Variants in LYRM9 observed in about 807,000 individuals in gnomAD.
LYRM9 encodes the protein LYR motif-containing protein 9.
Under a neutral mutation model 12.6 loss-of-function variants are expected in LYRM9, and 14 were observed. That is an observed-to-expected ratio of 1.11 (90% CI 0.73 to 1.73). The LOEUF is 1.73. Ranked by LOEUF, LYRM9 falls within the 40% of genes most tolerant of loss-of-function variation. LYRM9 has a pLI of 0.00. For missense variants in LYRM9, 94 were observed against 95.0 expected (o/e 0.99, Z 0.04); for synonymous variants, 42 against 35.1 (o/e 1.20, Z -0.69).
At chr17:27,880,112 T>C in intron 3 of LYRM9, 162 bp downstream of exon 3, 1 of 712,540 alleles carries the variant, frequency 1.4e-6, no homozygotes, top group East Asian at 2.7e-5. Context: ...AGAAGGGATT[T>C]GTCTTCACCT....
At position 27,882,643 on chromosome 17, in the gene LYRM9, G is replaced by A. The variant is rs371988906; in HGVS notation, c.52C>T (p.Arg18Ter). The A allele has an allele frequency of 1.6e-5, 26 of 1,602,416 alleles. No homozygotes were observed. In the Admixed American group the frequency reaches 1.7e-4, roughly 11 times the overall value. ...ELVRRPLQLYRYLLRCCQQLP... is the reference protein window; with the variant it reads ...ELVRRPLQLY ...TGCTGGCAACAGCGCAGCAAGTATC[G>A]GTAGAGCTGCAGTGGCCTCCGAACC... Residue 18 changes from arginine to a stop codon, truncating the protein, a stop_gained, in exon 2 of 4, where the codon CGA (arginine) becomes TGA (stop). Coordinates refer to ENST00000379102, the MANE Select transcript of LYRM9 (RefSeq NM_001076680.3). LOFTEE classifies it high-confidence loss of function.
At position 27,878,517 on chromosome 17, in the gene LYRM9, C is replaced by A. The variant is rs1033737351; in HGVS notation, c.*956G>T. 21 of 152,256 alleles carry A rather than the reference C, an allele frequency of 1.4e-4. No individual in the cohort carries two copies. The highest frequency in any genetic ancestry group is 1.2e-4 in the Non-Finnish European group (8 of 68,074). The allele number at this position is 152,256 out of a possible 1,614,324, so 9.4% of individuals were successfully genotyped here. A position where few individuals can be genotyped will look rare whatever the true frequency, so the allele number is the denominator to read the frequency against. ...GGGGAATACTCAGATCCCAGTGGGGCTTCTCTCTGCATCTTCTGGCCACTC... is the reference window on the plus strand; with the variant it reads ...GGGGAATACTCAGATCCCAGTGGGGATTCTCTCTGCATCTTCTGGCCACTC... On this transcript the variant is annotated 3_prime_UTR_variant, in exon 4 of 4. Coordinates refer to ENST00000379102, the MANE Select transcript of LYRM9 (RefSeq NM_001076680.3).
chr17:27,881,237 C>T (rs1597589510), intron 2 of LYRM9: 1 of 22,232 alleles, frequency 4.5e-5, no homozygotes, highest in Non-Finnish European at 8.1e-5. Context: ...AACTCCATCT[C>T]AAAAAAAAAA....
At chr17:27,880,197 G>T in intron 3 of LYRM9, 77 bp downstream of exon 3, 1 of 1,109,562 alleles carries the variant, frequency 9.0e-7, no homozygotes, top group Non-Finnish European at 1.3e-6. Flanking sequence ...TGGGGCAGGA[G>T]TGGCCTCTAG....
intron 2 of LYRM9, among the ~76,000 whole-genome samples, chr17:27,881,632 G>A (rs1467249210): frequency 6.6e-6 from 1 of 152,038 alleles, no homozygotes; most frequent in Admixed American, 6.5e-5. Flanking sequence ...TTTTTCAGAA[G>A]CATTTAAGAG....
chr17:27,887,894 T>C (rs1301152571), intron 1 of LYRM9, among the ~76,000 whole-genome samples: 1 of 152,174 alleles, frequency 6.6e-6, no homozygotes, highest in African/African-American at 2.4e-5. Context: ...GAAGAGCTGA[T>C]GTCCCAGTTT....
In LYRM9 at chr17:27,880,372, A is replaced by G. The variant is rs748232970; in HGVS notation, c.127-6T>C. 1.3e-6 allele frequency: 2 copies of G among 1,595,442 alleles called. No homozygotes were observed. Among genetic ancestry groups the G allele is most frequent in the Admixed American group, 3.5e-5 (2 of 56,986 alleles). The stretch of plus-strand genomic sequence containing the variant: ...TCTGAATGAACCCGAAAACTCTGCA[A>G]GTTTAAGCATAAAGAAAGATGACTA... On this transcript the variant is annotated splice_polypyrimidine_tract_variant and splice_region_variant and intron_variant, in intron 2 of 3. Coordinates refer to ENST00000379102, the MANE Select transcript of LYRM9 (RefSeq NM_001076680.3).
intron 1 of LYRM9, among the ~76,000 whole-genome samples, chr17:27,885,701 C>CAAAA (rs61615628): frequency 3.4e-5 from 1 of 29,370 alleles, no homozygotes; most frequent in Non-Finnish European, 7.3e-5. Flanking sequence ...AACTCTGTCT[C>CAAAA]AAAAAAAAAA....
intron 1 of LYRM9, among the ~76,000 whole-genome samples, chr17:27,889,907 G>C (rs903338433): frequency 3.3e-5 from 5 of 152,182 alleles, no homozygotes; most frequent in Admixed American, 6.5e-5. Context: ...CTCTGACCCA[G>C]AGCCTTCTGC....
chr17:27,886,391 G>A lies in LYRM9; in HGVS notation c.-18-3679C>T, dbSNP rs117395626. Among the ~76,000 whole-genome samples, 6 of 152,320 alleles carry A rather than the reference G, an allele frequency of 3.9e-5. No homozygotes were observed. Among genetic ancestry groups the A allele is most frequent in the East Asian group, 3.9e-4 (2 of 5,188 alleles). ...AAAATGTTTTAATTTAATTTAAAGC[G>A]TAGGTTTGCTATTATTTAAGGGGCA... On this transcript the variant is annotated intron_variant, in intron 1 of 3. Transcript: ENST00000379102. This position sits in a 1 kb window ranked among gnomAD's most constrained non-coding sequence, Gnocchi z 4.8.
At position 27,886,392 on chromosome 17, in the gene LYRM9, T is replaced by C. The variant is rs1905231666; in HGVS notation, c.-18-3680A>G. Among the ~76,000 whole-genome samples the C allele has an allele frequency of 6.6e-6, 1 of 152,232 alleles. No individual in the cohort carries two copies. The highest frequency in any genetic ancestry group is 2.4e-5 in the African/African-American group (1 of 41,460). ...AAATGTTTTAATTTAATTTAAAGCG[T>C]AGGTTTGCTATTATTTAAGGGGCAA... On this transcript the variant is annotated intron_variant, in intron 1 of 3. Transcript: ENST00000379102. The surrounding 1 kb of genome is among the most constrained non-coding windows in gnomAD (Gnocchi z 4.8).
chr17:27,881,584 C>T (rs1905060202), intron 2 of LYRM9, among the ~76,000 whole-genome samples: 1 of 152,146 alleles, frequency 6.6e-6, no homozygotes, highest in African/African-American at 2.4e-5. Context: ...TTTTGCTACA[C>T]TCGCTTTATC....
At chr17:27,883,166 C>T (rs1905122220) in intron 1 of LYRM9, 1 of 372,474 alleles carries the variant, frequency 2.7e-6, no homozygotes, top group Admixed American at 3.3e-5. Context: ...ACCAGCAAAA[C>T]CCACAGCATC....
intron 1 of LYRM9, among the ~76,000 whole-genome samples, chr17:27,885,875 A>T (rs139971842): frequency 6.6e-6 from 1 of 152,220 alleles, no homozygotes; most frequent in Non-Finnish European, 1.5e-5. Context: ...TGATGGACAG[A>T]TCCTCACAAA....
intron 1 of LYRM9, among the ~76,000 whole-genome samples, chr17:27,884,901 A>G (rs1228255159): frequency 1.3e-5 from 2 of 151,958 alleles, no homozygotes; most frequent in Non-Finnish European, 2.9e-5. Context: ...CCCTTAAACT[A>G]AGAAGGGAAG....
rs547906290 is a variant in LYRM9 at position 27,893,322 on chromosome 17, T to C, written c.-24A>G. On this transcript the variant is annotated 5_prime_UTR_variant, in exon 1 of 4. Transcript: ENST00000379102. ...GCCTGCGCAGCGCGGCTCACCAGCC[T>C]CCAGGGGAACGCCAGCCCCGGACGC... 196 of 152,444 alleles carry C rather than the reference T, an allele frequency of 1.3e-3. 2 individuals carry two copies. The highest frequency in any genetic ancestry group is 0.011 in the South Asian group (58 of 5,308). 9.4% of individuals were successfully genotyped at this position (152,444 alleles called of 1,614,324 possible).
At chr17:27,883,120 C>T (rs1567663489) in intron 1 of LYRM9, 1 of 420,574 alleles carries the variant, frequency 2.4e-6, no homozygotes, top group Non-Finnish European at 5.0e-6. Flanking sequence ...AGAATGCCTA[C>T]AGGCCTGAGC....
At chr17:27,893,293 C>T (rs2142605143) in intron 1 of LYRM9, 24 bp downstream of exon 1, 1 of 153,072 alleles carries the variant, frequency 6.5e-6, no homozygotes, top group East Asian at 1.9e-4. Context: ...CGCCCTCGGC[C>T]TCGGCCTGCG....
chr17:27,885,526 C>T (rs1905203349), intron 1 of LYRM9, among the ~76,000 whole-genome samples: 1 of 151,874 alleles, frequency 6.6e-6, no homozygotes, highest in African/African-American at 2.4e-5. Context: ...ACCTGAGCAA[C>T]ACAGGGAGAC....
Sources: gnomAD v4.1 joint callset for allele counts (sites outside exome capture counted in the v4.1 genomes callset) on GRCh38, gnomAD v4.1.1 for gene constraint, Gnocchi (gnomAD v3.1) non-coding constraint, MANE v1.5 for transcripts, NCBI Gene and HGNC (gene_info 2026-07-23, HGNC 2026-07-21) for gene names.